Variants in SMAD9 observed in about 807,000 individuals in gnomAD.
SMAD9 encodes SMAD family member 9, also known as MAD homolog 9.
SMAD9 carries 36 observed loss-of-function variants against 46.1 expected under a neutral mutation model. That is an observed-to-expected ratio of 0.78 (90% CI 0.60 to 1.03). SMAD9 has a LOEUF of 1.03. Among genes scored for constraint, SMAD9 ranks in the 50% least tolerant of loss-of-function variants. The pLI, the probability that SMAD9 is intolerant of heterozygous loss-of-function variation, is 0.00. For missense variants in SMAD9, 572 were observed against 599.8 expected (o/e 0.95, Z 0.48); for synonymous variants, 245 against 237.1 (o/e 1.03, Z -0.31).
chr13:36,898,403 A>G (rs2058546941), intron 1 of SMAD9, among the ~76,000 whole-genome samples: 1 of 152,184 alleles, frequency 6.6e-6, no homozygotes, highest in East Asian at 1.9e-4. Flanking sequence ...ACAGTTCCCA[A>G]ATAATTTTAT....
In SMAD9 at chr13:36,847,221, C is replaced by A. The variant is rs1469016258; in HGVS notation, c.*1455G>T. 1 of 152,106 alleles carries A rather than the reference C, an allele frequency of 6.6e-6. No homozygotes were observed. Among genetic ancestry groups the A allele is most frequent in the Non-Finnish European group, 1.5e-5 (1 of 68,016 alleles). 9.4% of individuals were successfully genotyped at this position (152,106 alleles called of 1,614,324 possible). A position where few individuals can be genotyped will look rare whatever the true frequency, so the allele number is the denominator to read the frequency against. ...AGAAAAACTACCATGTGCACTAATG[C>A]TAGAAAGAGTTGAGATAAAATGTAT... On this transcript the variant is annotated 3_prime_UTR_variant, in exon 7 of 7. Coordinates refer to ENST00000379826, the MANE Select transcript of SMAD9 (RefSeq NM_001127217.3).
At chr13:36,900,439 C>T (rs1358736734) in intron 1 of SMAD9, among the ~76,000 whole-genome samples, 1 of 152,000 alleles carries the variant, frequency 6.6e-6, no homozygotes, top group African/African-American at 2.4e-5. Flanking sequence ...TGCCACCACA[C>T]CCAGCTAATT....
At position 36,865,574 on chromosome 13, in the gene SMAD9, G is replaced by A. The variant is rs747243790; in HGVS notation, c.966C>T (p.Asn322=). 6 of 1,614,042 alleles carry A rather than the reference G, an allele frequency of 3.7e-6. No individual in the cohort carries two copies. Among genetic ancestry groups the A allele is most frequent in the Non-Finnish European group, 5.1e-6 (6 of 1,179,916 alleles). ...CLGLLSNVNR[N]STIENTRRHI... ...GTCTCCTGGTATTTTCTATCGTTGA[G>A]TTTCTGTTTACATTAGAAAGAAGTC... is the stretch of plus-strand genomic sequence containing the variant. Residue 322 remains asparagine, a synonymous_variant, in exon 5 of 7, where the codon AAC becomes AAT. Coordinates refer to ENST00000379826, the MANE Select transcript of SMAD9 (RefSeq NM_001127217.3).
intron 1 of SMAD9, among the ~76,000 whole-genome samples, chr13:36,885,350 T>C (rs1051374209): frequency 6.6e-6 from 1 of 152,092 alleles, no homozygotes; most frequent in Admixed American, 6.6e-5. Flanking sequence ...CATGTCTTAT[T>C]ACCGTACAAC....
chr13:36,909,574 G>C (rs1340211810), intron 1 of SMAD9, among the ~76,000 whole-genome samples: 1 of 152,108 alleles, frequency 6.6e-6, no homozygotes, highest in African/African-American at 2.4e-5. Context: ...TATTATTTAA[G>C]TTTGGAAGGG....
intron 1 of SMAD9, among the ~76,000 whole-genome samples, chr13:36,892,694 T>C (rs1419866606): frequency 6.6e-6 from 1 of 152,198 alleles, no homozygotes; most frequent in Non-Finnish European, 1.5e-5. Context: ...AGATAACTTA[T>C]CAGTGATGCT....
chr13:36,889,224 C>T (rs1046825318), intron 1 of SMAD9, among the ~76,000 whole-genome samples: 7 of 152,136 alleles, frequency 4.6e-5, no homozygotes, highest in Non-Finnish European at 1.0e-4. Context: ...CTCTGGGGTG[C>T]CCACATATTC....
chr13:36,908,988 T>C (rs1309849121), intron 1 of SMAD9, among the ~76,000 whole-genome samples: 2 of 152,234 alleles, frequency 1.3e-5, no homozygotes, highest in Non-Finnish European at 2.9e-5. Flanking sequence ...AATTTATACT[T>C]AATAAGCCAC....
chr13:36,903,985 A>G (rs2138652951), intron 1 of SMAD9, among the ~76,000 whole-genome samples: 1 of 152,268 alleles, frequency 6.6e-6, no homozygotes, highest in African/African-American at 2.4e-5. Flanking sequence ...TTAAAATATA[A>G]ATAATTATGG....
At chr13:36,920,315 C>CCCGCCCGCCGCCCG (rs1555247436), upstream of SMAD9, 2 of 149,670 alleles carry the variant, frequency 1.3e-5, no homozygotes, top group Admixed American at 6.7e-5. Context: ...GCGGCCCGCC[C>CCCGCCCGCCGCCCG]CCGCCCGCCG....
intron 1 of SMAD9, among the ~76,000 whole-genome samples, chr13:36,897,840 G>T (rs1457437949): frequency 2.1e-5 from 3 of 143,218 alleles, no homozygotes; most frequent in East Asian, 2.1e-4. Context: ...TAACAGAAAT[G>T]TCCTGTGTCT....
intron 1 of SMAD9, among the ~76,000 whole-genome samples, chr13:36,896,177 G>A (rs1566035194): frequency 6.6e-6 from 1 of 151,694 alleles, no homozygotes; most frequent in Non-Finnish European, 1.5e-5. Context: ...CTTTTGCCCA[G>A]GCTGAAGTGC....
At chr13:36,892,762 T>C (rs2058498219) in intron 1 of SMAD9, among the ~76,000 whole-genome samples, 1 of 152,124 alleles carries the variant, frequency 6.6e-6, no homozygotes, top group Admixed American at 6.6e-5. Context: ...AGCTGTAATC[T>C]TGAGCAGCAA....
chr13:36,899,266 AG>A (rs1437047437), intron 1 of SMAD9, among the ~76,000 whole-genome samples: 1 of 152,224 alleles, frequency 6.6e-6, no homozygotes. Context: ...AAAACACTGC[AG>A]AAAGAAATTA....
chr13:36,919,567 G>A lies in SMAD9; in HGVS notation c.-187+549C>T, dbSNP rs910445493. On this transcript the variant is annotated intron_variant, in intron 1 of 6. Coordinates refer to ENST00000379826, the MANE Select transcript of SMAD9 (RefSeq NM_001127217.3). ...GGCGAGTTTAAAAGTGGCCCCCAAA[G>A]AGTCACAATGACGACCCCCGCCGCC... is the stretch of plus-strand genomic sequence containing the variant. Among the ~76,000 whole-genome samples the A allele has an allele frequency of 1.2e-4, 18 of 152,008 alleles. No individual in the cohort carries two copies. The East Asian group carries it at 3.1e-3, about 26-fold the overall frequency.
At chr13:36,919,080 A>G (rs1348695870) in intron 1 of SMAD9, among the ~76,000 whole-genome samples, 1 of 152,236 alleles carries the variant, frequency 6.6e-6, no homozygotes, top group Non-Finnish European at 1.5e-5. Flanking sequence ...TGGGTAAAGA[A>G]TTTACATACA....
At chr13:36,860,340 G>A (rs1291919918) in intron 5 of SMAD9, among the ~76,000 whole-genome samples, 1 of 151,952 alleles carries the variant, frequency 6.6e-6, no homozygotes, top group African/African-American at 2.4e-5. Context: ...GCAATGATTT[G>A]GAATATGTGA....
chr13:36,865,814 T>C, intron 4 of SMAD9, 56 bp from the exon 5 acceptor site: 1 of 1,433,238 alleles, frequency 7.0e-7, no homozygotes, highest in Admixed American at 1.8e-5. Flanking sequence ...GGCTGTGTAG[T>C]TCATGATTCC....
chr13:36,885,874 T>G (rs2058440717), intron 1 of SMAD9, among the ~76,000 whole-genome samples: 1 of 151,438 alleles, frequency 6.6e-6, no homozygotes, highest in South Asian at 2.1e-4. Flanking sequence ...AACACTGAAT[T>G]AGAAAAAGGG....
Sources: allele counts gnomAD v4.1 joint callset (sites outside exome capture counted in the v4.1 genomes callset), GRCh38; gene constraint gnomAD v4.1.1; transcripts MANE v1.5; gene names NCBI Gene and HGNC (gene_info 2026-07-23, HGNC 2026-07-21).